Variants in USP19 observed in about 807,000 individuals in gnomAD.
USP19 encodes the protein ubiquitin carboxyl-terminal hydrolase 19.
In USP19, 40 loss-of-function variants were observed where a neutral mutation model predicts 144.8. That is an observed-to-expected ratio of 0.28 (90% CI 0.21 to 0.36). The LOEUF (loss-of-function observed/expected upper bound fraction) is 0.36, where lower values mean the gene tolerates loss of function less well. USP19 is among the 10% of genes least tolerant of loss of function. The probability of loss-of-function intolerance (pLI) is 1.00; values close to 1 mark genes in which losing one functional copy is unlikely to be tolerated. For missense variants in USP19, 1,518 were observed against 1,822.5 expected (o/e 0.83, Z 3.04); for synonymous variants, 701 against 709.3 (o/e 0.99, Z 0.19).
In USP19 at chr3:49,112,099, C is replaced by T. The variant is rs1368635497; in HGVS notation, c.2766-51G>A. The T allele has an allele frequency of 1.9e-6, 3 of 1,601,372 alleles. No homozygotes were observed. The South Asian group carries it at 3.3e-5, about 18-fold the overall frequency. ...AGGCCCTTAGCCCCATCTCCTATGA[C>T]TCCATACTGGGGGCTAGTCATAGTC... On this transcript the variant is annotated intron_variant, in intron 19 of 26. Transcript: ENST00000417901. The surrounding 1 kb of genome is among the most constrained non-coding windows in gnomAD (Gnocchi z 4.9).
Position 49,112,688 on chromosome 3 carries a change from CCA to C in USP19, c.2506-61_2506-60del, listed in dbSNP as rs1225065312. On this transcript the variant is annotated intron_variant, in intron 17 of 26. Coordinates refer to ENST00000417901, the MANE Select transcript of USP19 (RefSeq NM_001199161.2). The surrounding 1 kb of genome is among the most constrained non-coding windows in gnomAD (Gnocchi z 4.9). ...GATAAGCCCTTTCCCTAGCCCTGCC[CCA>C]GAGTTTAAGAAGGCTTGGCCCTGCC... is the stretch of plus-strand genomic sequence containing the variant. The C allele has an allele frequency of 3.2e-6, 5 of 1,565,652 alleles. No homozygotes were observed. The highest frequency in any genetic ancestry group is 1.4e-5 in the African/African-American group (1 of 74,066).
chr3:49,109,092 C>A, intron 26 of USP19: 1 of 1,595,120 alleles, frequency 6.3e-7, no homozygotes, highest in East Asian at 2.3e-5. Flanking sequence ...GGTAGGGGGC[C>A]CACCCAGTCT....
At position 49,116,774 on chromosome 3, in the gene USP19, GCA is replaced by G. The variant is rs2044217816; in HGVS notation, c.1077_1078del (p.Ala360GlnfsTer16). 6.2e-7 allele frequency: 1 copy of G among 1,613,670 alleles called. No individual in the cohort carries two copies. The highest frequency in any genetic ancestry group is 8.5e-7 in the Non-Finnish European group (1 of 1,179,862). Reference sequence around the variant, plus strand: ...TGCTGCCACTGCCATCTCCTCCTTGGCACAGTCATCTTTCCCAGGGTTTCTGC... The same window carrying G: ...TGCTGCCACTGCCATCTCCTCCTTGGCAGTCATCTTTCCCAGGGTTTCTGC... On this transcript the variant is annotated frameshift_variant, in exon 7 of 27. Coordinates refer to ENST00000417901, the MANE Select transcript of USP19 (RefSeq NM_001199161.2). LOFTEE classifies it high-confidence loss of function. This position sits in a 1 kb window ranked among gnomAD's most constrained non-coding sequence, Gnocchi z 5.0.
Position 49,116,804 on chromosome 3 carries a change from C to T in USP19, c.1049G>A (p.Arg350Gln), listed in dbSNP as rs1444384101. ...GTCATCTTTCCCAGGGTTTCTGCTCCGGACCATGGCTGGAGAGACTGGGTC... is the reference window on the plus strand; with the variant it reads ...GTCATCTTTCCCAGGGTTTCTGCTCTGGACCATGGCTGGAGAGACTGGGTC... ...GNDPVSPAMV[R>Q]SRNPGKDDCA... Residue 350 changes from arginine to glutamine, a missense_variant, in exon 7 of 27, where the codon CGG becomes CAG. By Grantham distance (43) the Arg-to-Gln change is conservative. Around this residue, in one of 5 missense-constraint regions of USP19, gnomAD observed 707 missense variants for 728.9 expected, o/e 0.97. Coordinates refer to ENST00000417901, the MANE Select transcript of USP19 (RefSeq NM_001199161.2). The surrounding 1 kb of genome is among the most constrained non-coding windows in gnomAD (Gnocchi z 5.0). The T allele has an allele frequency of 9.9e-6, 16 of 1,614,060 alleles. No homozygotes were observed. The highest frequency in any genetic ancestry group is 6.7e-5 in the Admixed American group (4 of 60,008).
Position 49,108,542 on chromosome 3 carries a change from C to A in USP19, c.4039-14G>T. On this transcript the variant is annotated splice_polypyrimidine_tract_variant and intron_variant, in intron 26 of 26. Transcript: ENST00000417901. The surrounding 1 kb of genome is among the most constrained non-coding windows in gnomAD (Gnocchi z 4.8). ...AGGGCCTAGTCCCTGCAACAGAATACGAGGACAGGGGTTGGGGGCTGCCCA... is the reference window on the plus strand; with the variant it reads ...AGGGCCTAGTCCCTGCAACAGAATAAGAGGACAGGGGTTGGGGGCTGCCCA... The A allele has an allele frequency of 8.1e-7, 1 of 1,238,734 alleles. No homozygotes were observed. Among genetic ancestry groups the A allele is most frequent in the South Asian group, 2.7e-5 (1 of 37,526 alleles). 76.7% of individuals were successfully genotyped at this position (1,238,734 alleles called of 1,614,324 possible).
rs758727079 is a variant in USP19, at chr3:49,117,555, C to G, written c.488G>C (p.Gly163Ala). ...TTTTATCTCAGCATAGAAGACACCA[C>G]CCCACTGCTGACCACCTGGGGACAG... ...VVRFAGGQQWGGVFYAEIKSS... is the reference protein window; with the variant it reads ...VVRFAGGQQWAGVFYAEIKSS... Residue 163 changes from glycine (G) to alanine (A), a missense_variant, in exon 5 of 27, where the codon GGT (glycine) becomes GCT (alanine). Around this residue, in one of 5 missense-constraint regions of USP19, gnomAD observed 707 missense variants for 728.9 expected, o/e 0.97. Coordinates refer to ENST00000417901, the MANE Select transcript of USP19 (RefSeq NM_001199161.2). This position sits in a 1 kb window ranked among gnomAD's most constrained non-coding sequence, Gnocchi z 4.4. 13 of 1,613,970 alleles carry G rather than the reference C, an allele frequency of 8.1e-6. No homozygotes were observed. The South Asian group carries it at 1.2e-4, about 15-fold the overall frequency.
chr3:49,119,746 G>A (rs1446434954), intron 1 of USP19, among the ~76,000 whole-genome samples: 1 of 152,146 alleles, frequency 6.6e-6, no homozygotes, highest in Non-Finnish European at 1.5e-5. Flanking sequence ...CTGTAAACAG[G>A]CTCAACCCAG....
Position 49,110,247 on chromosome 3 carries a change from G to A in USP19, c.3975C>T (p.Pro1325=). The change falls in exon 26 of 27, where the codon CCC becomes CCT. Residue 1325 remains proline (P), a synonymous_variant. Coordinates refer to ENST00000417901, the MANE Select transcript of USP19 (RefSeq NM_001199161.2). The surrounding 1 kb of genome is among the most constrained non-coding windows in gnomAD (Gnocchi z 6.1). ...RRRNSPVERP[P]RAGHSEHHPD... The stretch of plus-strand genomic sequence containing the variant: ...GGTGGTGCTCAGAGTGACCTGCCCT[G>A]GGGGGCCTCTCCACAGGAGAGTTCC... 1.3e-6 allele frequency: 2 copies of A among 1,594,448 alleles called. No individual in the cohort carries two copies. The highest frequency in any genetic ancestry group is 1.7e-6 in the Non-Finnish European group (2 of 1,168,786).
rs1345321119 is a variant in USP19 at position 49,110,983 on chromosome 3, G to A, written c.3512C>T (p.Thr1171Ile). The change falls in exon 23 of 27, where the codon ACA (threonine) becomes ATA (isoleucine). Residue 1171 changes from threonine (T) to isoleucine (I), a missense_variant. Thr to Ile is a moderately conservative substitution (Grantham distance 89). Around this residue, in one of 5 missense-constraint regions of USP19, gnomAD observed 122 missense variants for 200.4 expected, o/e 0.61. Coordinates refer to ENST00000417901, the MANE Select transcript of USP19 (RefSeq NM_001199161.2). This position sits in a 1 kb window ranked among gnomAD's most constrained non-coding sequence, Gnocchi z 6.1. ...CTCGGGTGCCAGCACCTCAGGCCGT[G>A]TGAAGAGGTTGAGGCACTGGTCCAG... ...FTLDQCLNLF[T>I]RPEVLAPEEA... is the part of the protein sequence containing the mutation. 28 of 1,613,916 alleles carry A rather than the reference G, an allele frequency of 1.7e-5. No individual in the cohort carries two copies. Among genetic ancestry groups the A allele is most frequent in the Non-Finnish European group, 2.4e-5 (28 of 1,180,034 alleles).
Position 49,108,642 on chromosome 3 carries a change from A to G in USP19, c.4039-114T>C. ...AGGGAGGGTCCCAAGGCAGGCGCAG[A>G]CAGCAGCGGCGTTGAGACAGAGAGA... is the stretch of plus-strand genomic sequence containing the variant. On this transcript the variant is annotated intron_variant, in intron 26 of 26. Coordinates refer to ENST00000417901, the MANE Select transcript of USP19 (RefSeq NM_001199161.2). This position sits in a 1 kb window ranked among gnomAD's most constrained non-coding sequence, Gnocchi z 4.8. 1 of 1,260,316 alleles carries G rather than the reference A, an allele frequency of 7.9e-7. No individual in the cohort carries two copies. Among genetic ancestry groups the G allele is most frequent in the Non-Finnish European group, 1.0e-6 (1 of 999,598 alleles). The allele number at this position is 1,260,316 out of a possible 1,614,324, so 78.1% of individuals were successfully genotyped here. A position where few individuals can be genotyped will look rare whatever the true frequency, so the allele number is the denominator to read the frequency against.
Position 49,120,777 on chromosome 3 carries a change from G to A in USP19, c.-158C>T, listed in dbSNP as rs987280776. The A allele has an allele frequency of 8.2e-6, 2 of 242,542 alleles. No homozygotes were observed. Among genetic ancestry groups the A allele is most frequent in the Admixed American group, 5.2e-5 (1 of 19,050 alleles). The allele number at this position is 242,542 out of a possible 1,614,324, so 15.0% of individuals were successfully genotyped here. Reference sequence around the variant, plus strand: ...TCACCGAGCGAGACCGCCGCAGCCAGCCCTCTTCGGGCCCTGGCAACCCGC... The same window carrying A: ...TCACCGAGCGAGACCGCCGCAGCCAACCCTCTTCGGGCCCTGGCAACCCGC... On this transcript the variant is annotated 5_prime_UTR_variant, in exon 1 of 27. Coordinates refer to ENST00000417901, the MANE Select transcript of USP19 (RefSeq NM_001199161.2).
At position 49,112,089 on chromosome 3, in the gene USP19, T is replaced by C. The variant is rs375256914; in HGVS notation, c.2766-41A>G. On this transcript the variant is annotated intron_variant, in intron 19 of 26. Transcript: ENST00000417901. This position sits in a 1 kb window ranked among gnomAD's most constrained non-coding sequence, Gnocchi z 4.9. ...AGACAAGGATAGGCCCTTAGCCCCATCTCCTATGACTCCATACTGGGGGCT... is the reference window on the plus strand; with the variant it reads ...AGACAAGGATAGGCCCTTAGCCCCACCTCCTATGACTCCATACTGGGGGCT... 9 of 1,607,794 alleles carry C rather than the reference T, an allele frequency of 5.6e-6. No homozygotes were observed. In the African/African-American group the frequency reaches 8.0e-5, roughly 14 times the overall value.
chr3:49,108,405 G>C lies in USP19; in HGVS notation c.*7C>G. 3 of 1,333,698 alleles carry C rather than the reference G, an allele frequency of 2.2e-6. No homozygotes were observed. The East Asian group carries it at 9.4e-5, about 42-fold the overall frequency. The allele number at this position is 1,333,698 out of a possible 1,614,324, so 82.6% of individuals were successfully genotyped here. A position where few individuals can be genotyped will look rare whatever the true frequency, so the allele number is the denominator to read the frequency against. ...AAACCCAGTCCCCCCCATCAGCCAG[G>C]GACCTGCTAATCCACCTCCTCCATG... On this transcript the variant is annotated 3_prime_UTR_variant, in exon 27 of 27. Transcript: ENST00000417901. This position sits in a 1 kb window ranked among gnomAD's most constrained non-coding sequence, Gnocchi z 4.8.
chr3:49,118,159 G>T (rs2044501049), intron 2 of USP19, 39 bp from the exon 3 acceptor site: 1 of 834,486 alleles, frequency 1.2e-6, no homozygotes, highest in Non-Finnish European at 1.8e-6. Flanking sequence ...AGCATGGTGA[G>T]GAGGCTGAGG....
chr3:49,116,269 G>A lies in USP19; in HGVS notation c.1355+11C>T, dbSNP rs1486128480. The A allele has an allele frequency of 3.1e-6, 5 of 1,613,392 alleles. No homozygotes were observed. The Admixed American group carries it at 8.3e-5, about 27-fold the overall frequency. ...AGGACAGGCACAGTGGTGGGGCCGGGCACCACCCACCTGAGCTTCACCTGC... is the reference window on the plus strand; with the variant it reads ...AGGACAGGCACAGTGGTGGGGCCGGACACCACCCACCTGAGCTTCACCTGC... On this transcript the variant is annotated intron_variant, in intron 9 of 26. Coordinates refer to ENST00000417901, the MANE Select transcript of USP19 (RefSeq NM_001199161.2). The surrounding 1 kb of genome is among the most constrained non-coding windows in gnomAD (Gnocchi z 5.0).
rs748085119 is a variant in USP19, at chr3:49,116,801, C to T, written c.1052G>A (p.Ser351Asn). The change falls in exon 7 of 27, where the codon AGC becomes AAC. Residue 351 changes from serine (S) to asparagine (N), a missense_variant. Coordinates refer to ENST00000417901, the MANE Select transcript of USP19 (RefSeq NM_001199161.2). This position sits in a 1 kb window ranked among gnomAD's most constrained non-coding sequence, Gnocchi z 5.0. Reference sequence around the variant, plus strand: ...ACAGTCATCTTTCCCAGGGTTTCTGCTCCGGACCATGGCTGGAGAGACTGG... The same window carrying T: ...ACAGTCATCTTTCCCAGGGTTTCTGTTCCGGACCATGGCTGGAGAGACTGG... ...NDPVSPAMVR[S>N]RNPGKDDCAK... is the part of the protein sequence containing the mutation. 2.5e-6 allele frequency: 4 copies of T among 1,613,936 alleles called. No homozygotes were observed. Among genetic ancestry groups the T allele is most frequent in the East Asian group, 4.5e-5 (2 of 44,874 alleles).
Position 49,118,092 on chromosome 3 carries a change from A to T in USP19, c.153T>A (p.Ala51=). Residue 51 remains alanine (A), a synonymous_variant, in exon 3 of 27, where the codon GCT becomes GCA. Coordinates refer to ENST00000417901, the MANE Select transcript of USP19 (RefSeq NM_001199161.2). The stretch of plus-strand genomic sequence containing the variant: ...CACCTGAGGCCAGAGGTTCAAGACC[A>T]GCCTGGGCAACATATCGAGACCCTG... ...KETGSRYVAQ[A]GLEPLASGDP... 2.0e-6 allele frequency: 3 copies of T among 1,473,138 alleles called. No individual in the cohort carries two copies. The highest frequency in any genetic ancestry group is 2.8e-6 in the Non-Finnish European group (3 of 1,078,150). The allele number at this position is 1,473,138 out of a possible 1,614,324, so 91.3% of individuals were successfully genotyped here. A position where few individuals can be genotyped will look rare whatever the true frequency, so the allele number is the denominator to read the frequency against.
rs752404346 is a variant in USP19, at chr3:49,111,515, C to A, written c.3202G>T (p.Val1068Leu). 84 of 1,611,450 alleles carry A rather than the reference C, an allele frequency of 5.2e-5. No individual in the cohort carries two copies. Among genetic ancestry groups the A allele is most frequent in the Non-Finnish European group, 6.3e-5 (74 of 1,179,912 alleles). The change falls in exon 21 of 27, where the codon GTG becomes TTG. Residue 1068 changes from valine (V) to leucine (L), a missense_variant. Transcript: ENST00000417901. The surrounding 1 kb of genome is among the most constrained non-coding windows in gnomAD (Gnocchi z 5.9). ...TGGATCTTACCTTCGGGTCGGGACA[C>A]CCTCTCGCCAGCTGGCAAGGAGCCA... is the stretch of plus-strand genomic sequence containing the variant. ...EVGSLPAGERVSRPEAAVPGY... is the reference protein window; with the variant it reads ...EVGSLPAGERLSRPEAAVPGY...
chr3:49,110,997 G>C lies in USP19; in HGVS notation c.3498C>G (p.Cys1166Trp). Residue 1166 changes from cysteine to tryptophan, a missense_variant, in exon 23 of 27, where the codon TGC becomes TGG. By Grantham distance (215) the Cys-to-Trp change is radical. This residue lies in a region of USP19 where 413 missense variants were observed against 515.8 expected (regional missense o/e 0.80). Coordinates refer to ENST00000417901, the MANE Select transcript of USP19 (RefSeq NM_001199161.2). The surrounding 1 kb of genome is among the most constrained non-coding windows in gnomAD (Gnocchi z 6.1). ...CCTCAGGCCGTGTGAAGAGGTTGAG[G>C]CACTGGTCCAGGGTGAAGTGGCCGG... The part of the protein sequence containing the change: ...ARAGHFTLDQ[C>W]LNLFTRPEVL... 2 of 1,614,040 alleles carry C rather than the reference G, an allele frequency of 1.2e-6. No individual in the cohort carries two copies. The highest frequency in any genetic ancestry group is 1.7e-6 in the Non-Finnish European group (2 of 1,180,014).
Sources: allele counts gnomAD v4.1 joint callset (sites outside exome capture counted in the v4.1 genomes callset), GRCh38; gene constraint gnomAD v4.1.1; regional missense constraint gnomAD v4.1.1; non-coding constraint Gnocchi (gnomAD v3.1); transcripts MANE v1.5; gene names NCBI Gene and HGNC (gene_info 2026-07-23, HGNC 2026-07-21).